FAAP100: variants seen among roughly 807,000 people sequenced by gnomAD.
The protein encoded by FAAP100 is FA core complex associated protein 100, also known as Fanconi anemia core complex-associated protein 100.
In FAAP100, 46 loss-of-function variants were observed where a neutral mutation model predicts 65.8. The ratio of observed to expected loss-of-function variants is 0.70; its 90% CI spans 0.55 to 0.89. The LOEUF is 0.89. Ranked by LOEUF, FAAP100 falls within the 40% of genes least tolerant of loss-of-function variation. The pLI is 0.00. For missense variants in FAAP100, 1,165 were observed against 1,196.7 expected (o/e 0.97, Z 0.39); for synonymous variants, 663 against 555.1 (o/e 1.19, Z -2.73).
Position 81,540,921 on chromosome 17 carries a change from G to C in FAAP100, c.2544C>G (p.Arg848=). ...CCTCATCCTCCGTGCAGAGCCGGTC[G>C]CGCAGGGTCTGCACCTCCCGCAGCA... ...ETLLREVQTL[R]DRLCTEDEAS... is the part of the protein sequence containing the mutation. The change falls in exon 9 of 9, where the codon CGC becomes CGG. Residue 848 remains arginine (R), a synonymous_variant. Coordinates refer to ENST00000327787, the MANE Select transcript of FAAP100 (RefSeq NM_025161.6). 2 of 1,592,572 alleles carry C rather than the reference G, an allele frequency of 1.3e-6. No individual in the cohort carries two copies. The highest frequency in any genetic ancestry group is 1.7e-6 in the Non-Finnish European group (2 of 1,173,910).
At chr17:81,549,072 A>G in intron 4 of FAAP100, 134 bp downstream of exon 4, 1 of 578,100 alleles carries the variant, frequency 1.7e-6, no homozygotes, top group East Asian at 4.1e-5. Flanking sequence ...AAAAAAAAAA[A>G]AGAGGCCAAG....
At position 81,551,793 on chromosome 17, in the gene FAAP100, G is replaced by C. The variant is rs1283053888; in HGVS notation, c.290+135C>G. The C allele has an allele frequency of 2.9e-6, 4 of 1,381,036 alleles. No homozygotes were observed. In the African/African-American group the frequency reaches 6.1e-5, roughly 21 times the overall value. The allele number at this position is 1,381,036 out of a possible 1,614,324, so 85.5% of individuals were successfully genotyped here. ...TGGGGGCAGGGGCTCCAGATAATCG[G>C]GCAGGGATGGCGGCCGAGGCTTCAG... On this transcript the variant is annotated intron_variant, in intron 2 of 8. Coordinates refer to ENST00000327787, the MANE Select transcript of FAAP100 (RefSeq NM_025161.6).
chr17:81,551,283 T>G, intron 2 of FAAP100, 80 bp from the exon 3 acceptor site: 1 of 1,382,644 alleles, frequency 7.2e-7, no homozygotes, highest in Non-Finnish European at 9.7e-7. Context: ...TGGCATGGAG[T>G]AGTCTGGCTC....
chr17:81,547,952 C>CG, intron 4 of FAAP100: 1 of 703,960 alleles, frequency 1.4e-6, no homozygotes, highest in Non-Finnish European at 2.6e-6. Flanking sequence ...GCTGGTGCTC[C>CG]GGGGACCTAG....
chr17:81,541,446 C>T, intron 7 of FAAP100, 51 bp from the exon 8 acceptor site: 1 of 1,497,504 alleles, frequency 6.7e-7, no homozygotes, highest in East Asian at 2.3e-5. Flanking sequence ...GCACCTGCCC[C>T]CACACCCCTT....
At chr17:81,541,626 C>T (rs1042095375) in intron 7 of FAAP100, among the ~76,000 whole-genome samples, 14 of 152,238 alleles carry the variant, frequency 9.2e-5, no homozygotes, top group East Asian at 1.9e-4. Context: ...GAAGCGAACT[C>T]GTTTGGTTCT....
rs2033378510 is a variant in FAAP100 at position 81,548,193 on chromosome 17, G to A, written c.1404-515C>T. 8.5e-6 allele frequency: 5 copies of A among 591,544 alleles called. No homozygotes were observed. In the South Asian group the frequency reaches 1.0e-4, roughly 12 times the overall value. 36.6% of individuals were successfully genotyped at this position (591,544 alleles called of 1,614,324 possible). A position where few individuals can be genotyped will look rare whatever the true frequency, so the allele number is the denominator to read the frequency against. ...TCTCGGGACCCCAGTGGTTATGTGA[G>A]GGGAGCAGGGGAGGCTGCGCGCACT... On this transcript the variant is annotated intron_variant, in intron 4 of 8. Transcript: ENST00000327787.
chr17:81,542,737 T>C (rs1286132988), intron 7 of FAAP100, among the ~76,000 whole-genome samples: 2 of 152,174 alleles, frequency 1.3e-5, no homozygotes, highest in African/African-American at 4.8e-5. Context: ...AAATGGGGTA[T>C]CTGCAGATGA....
At chr17:81,545,541 C>T (rs8074089) in intron 6 of FAAP100, among the ~76,000 whole-genome samples, 88,063 of 152,084 alleles carry the variant, frequency 0.58, 26,711 homozygotes, top group South Asian at 0.7. Context: ...GGCCAGTCCT[C>T]GGGGATCTGA....
chr17:81,543,838 G>A (rs1191241417), intron 7 of FAAP100, among the ~76,000 whole-genome samples, 166 bp downstream of exon 7: 2 of 152,126 alleles, frequency 1.3e-5, no homozygotes, highest in Admixed American at 6.6e-5. Flanking sequence ...ATCGCCCACA[G>A]CTCCACTGCA....
chr17:81,547,035 A>G lies in FAAP100; in HGVS notation c.2047T>C (p.Cys683Arg). Reference sequence around the variant, plus strand: ...GCTGGCTGGCTGCCAGGCTCCCGACAAGTTTCCAGAAAAGTGGCCACAGGG... The same window carrying G: ...GCTGGCTGGCTGCCAGGCTCCCGACGAGTTTCCAGAAAAGTGGCCACAGGG... Reference protein sequence around the residue: ...RDPVATFLETCREPGSQPAGP... With the variant: ...RDPVATFLETRREPGSQPAGP... The change falls in exon 5 of 9, where the codon TGT (cysteine) becomes CGT (arginine). Residue 683 changes from cysteine (C) to arginine (R), a missense_variant. By Grantham distance (180) the Cys-to-Arg change is radical (BLOSUM62 -3). Transcript: ENST00000327787. 6.4e-7 allele frequency: 1 copy of G among 1,554,434 alleles called. No individual in the cohort carries two copies. The highest frequency in any genetic ancestry group is 1.4e-5 in the African/African-American group (1 of 72,648).
rs777608424 is a variant in FAAP100, at chr17:81,551,114, T to G, written c.380A>C (p.Asp127Ala). The change falls in exon 3 of 9, where the codon GAT becomes GCT. Residue 127 changes from aspartate (D) to alanine (A), a missense_variant. By Grantham distance (126) the Asp-to-Ala change is moderately radical (BLOSUM62 -2). Coordinates refer to ENST00000327787, the MANE Select transcript of FAAP100 (RefSeq NM_025161.6). ...CAAGGTGAACGCGCACAGCGCAGCA[T>G]CGGGAAGGATGCAGGCATCGGGGTC... ...PVDPDACILPDAALCAFTLLD... is the reference protein window; with the variant it reads ...PVDPDACILPAAALCAFTLLD... 8 of 1,554,392 alleles carry G rather than the reference T, an allele frequency of 5.1e-6. No homozygotes were observed. In the East Asian group the frequency reaches 1.9e-4, roughly 38 times the overall value.
intron 6 of FAAP100, among the ~76,000 whole-genome samples, chr17:81,545,371 C>G (rs961361464): frequency 2.0e-5 from 3 of 152,258 alleles, no homozygotes; most frequent in Non-Finnish European, 4.4e-5. Context: ...ATTTGCCATT[C>G]AGCGGCTTCC....
rs564324331 is a variant in FAAP100 at position 81,545,674 on chromosome 17, C to G, written c.2310+72G>C. ...CCCCACCCAGGGTGAGGGGTCCTCC[C>G]GAGCTCCGGCCCAGGGGCCCCACCC... On this transcript the variant is annotated intron_variant, in intron 6 of 8. Coordinates refer to ENST00000327787, the MANE Select transcript of FAAP100 (RefSeq NM_025161.6). The G allele has an allele frequency of 2.0e-6, 3 of 1,527,938 alleles. No homozygotes were observed. The Admixed American group carries it at 5.9e-5, about 30-fold the overall frequency. 94.6% of individuals were successfully genotyped at this position (1,527,938 alleles called of 1,614,324 possible). A position where few individuals can be genotyped will look rare whatever the true frequency, so the allele number is the denominator to read the frequency against.
At chr17:81,543,871 G>C (rs1413695988) in intron 7 of FAAP100, 133 bp downstream of exon 7, 1 of 796,974 alleles carries the variant, frequency 1.3e-6, no homozygotes, top group African/African-American at 1.7e-5. Context: ...CAGCGGCAGA[G>C]CAGACTTGGA....
intron 7 of FAAP100, among the ~76,000 whole-genome samples, chr17:81,542,196 A>T (rs1382889151): frequency 1.4e-3 from 21 of 15,528 alleles, no homozygotes; most frequent in African/African-American, 3.4e-3. Context: ...AAAAAAAAAA[A>T]AAAAATATAT....
rs2033046930 is a variant in FAAP100, at chr17:81,540,501, TGGTG to T, written c.*314_*317del. ...CTCCTGGCCTCAGGGGCTGCTGCGG[TGGTG>T]GGAAGGCTGCCCAGCAGTGAGGAAG... On this transcript the variant is annotated 3_prime_UTR_variant, in exon 9 of 9. Transcript: ENST00000327787. 1 of 411,038 alleles carries T rather than the reference TGGTG, an allele frequency of 2.4e-6. No individual in the cohort carries two copies. The highest frequency in any genetic ancestry group is 2.0e-5 in the African/African-American group (1 of 48,912). 25.5% of individuals were successfully genotyped at this position (411,038 alleles called of 1,614,324 possible). A position where few individuals can be genotyped will look rare whatever the true frequency, so the allele number is the denominator to read the frequency against.
At chr17:81,542,189 AAAAAAAAAAAAATATATATATATATATAT>A (rs1244468458) in intron 7 of FAAP100, among the ~76,000 whole-genome samples, 2 of 23,212 alleles carry the variant, frequency 8.6e-5, no homozygotes, top group Admixed American at 6.2e-4. Context: ...AAAAAAAAAA[AAAAAAAAAAAAATATATATATATATATAT>A]ATATATATAT....
intron 7 of FAAP100, among the ~76,000 whole-genome samples, chr17:81,543,027 T>C (rs1216245207): frequency 1.2e-4 from 18 of 152,214 alleles, no homozygotes. Flanking sequence ...CTGCGTGACA[T>C]GCTCATCAGG....
Sources: gnomAD v4.1 joint callset for allele counts (sites outside exome capture counted in the v4.1 genomes callset) on GRCh38, gnomAD v4.1.1 for gene constraint, MANE v1.5 for transcripts, NCBI Gene and HGNC (gene_info 2026-07-23, HGNC 2026-07-21) for gene names.